ZMAT1: variants seen among roughly 807,000 people sequenced by gnomAD.
The protein encoded by ZMAT1 is zinc finger matrin-type 1.
ZMAT1 carries 11 observed loss-of-function variants against 18.5 expected under a neutral mutation model. The observed-to-expected ratio is 0.59, with a 90% CI of 0.37 to 0.98. The LOEUF is 0.98. Among genes scored for constraint, ZMAT1 ranks in the 50% least tolerant of loss-of-function variants. ZMAT1 has a pLI of 0.01. For missense variants in ZMAT1, 525 were observed against 496.2 expected, an observed-to-expected ratio of 1.06 and a Z score of -0.55; for synonymous variants, 211 against 176.4, an observed-to-expected ratio of 1.20 and a Z score of -1.55.
intron 4 of ZMAT1, chrX:101,888,794 C>A: frequency 8.9e-6 from 1 of 112,053 alleles, no homozygotes; most frequent in Middle Eastern, 4.6e-3. Context: ...CAAGGTAATT[C>A]TTCTTCCAAC....
chrX:101,902,121 C>CTATATTA (rs1471931207), intron 2 of ZMAT1, among the ~76,000 whole-genome samples: 4 of 111,832 alleles, frequency 3.6e-5, no homozygotes, highest in African/African-American at 1.3e-4. Flanking sequence ...GAGTGTTTCC[C>CTATATTA]TATATTATCT....
In ZMAT1 at chrX:101,897,860, A is replaced by T; in HGVS notation, c.676+8T>A. 1 of 1,206,927 alleles carries T rather than the reference A, an allele frequency of 8.3e-7. No individual in the cohort carries two copies. The highest frequency in any genetic ancestry group is 1.1e-6 in the Non-Finnish European group (1 of 892,336). ...GCATTGAAGATCAAGAGGTGAATGG[A>T]ACCTTACCCATCTCTGGTTGAAATC... On this transcript the variant is annotated splice_region_variant and intron_variant, in intron 4 of 5. Transcript: ENST00000651725.
intron 4 of ZMAT1, among the ~76,000 whole-genome samples, chrX:101,893,612 T>G (rs1365226505): frequency 1.8e-5 from 2 of 111,951 alleles, no homozygotes; most frequent in African/African-American, 6.5e-5. Context: ...GTCCTATTTC[T>G]GTGCGAGTTT....
At chrX:101,912,475 T>C (rs747873370) in intron 1 of ZMAT1, among the ~76,000 whole-genome samples, 5 of 112,599 alleles carry the variant, frequency 4.4e-5, no homozygotes, top group African/African-American at 6.5e-5. Context: ...ATGCCTTTCA[T>C]ATATACAAGA....
intron 4 of ZMAT1, among the ~76,000 whole-genome samples, chrX:101,894,211 G>T (rs1226300657): frequency 9.0e-6 from 1 of 111,308 alleles, no homozygotes; most frequent in Non-Finnish European, 1.9e-5. Flanking sequence ...GATTCCGTAG[G>T]TCTGCAGTGG....
Position 101,883,994 on chromosome X carries a change from C to T in ZMAT1, c.1604G>A (p.Arg535Lys). ...TTGACAGTAGCTAATAGAATCTAGT[C>T]TCTGTTTGCTATCATGAGCTGGTAA... Reference protein sequence around the residue: ...HCLPAHDSKQRLDSISYCQLT... With the variant: ...HCLPAHDSKQKLDSISYCQLT... The change falls in exon 6 of 6, where the codon AGA (arginine) becomes AAA (lysine). Residue 535 changes from arginine to lysine, a missense_variant. Transcript: ENST00000651725. 1 of 1,210,358 alleles carries T rather than the reference C, an allele frequency of 8.3e-7. No individual in the cohort carries two copies. Among genetic ancestry groups the T allele is most frequent in the Non-Finnish European group, 1.1e-6 (1 of 894,944 alleles).
intron 4 of ZMAT1, chrX:101,895,699 T>A (rs1927752717): frequency 6.0e-6 from 1 of 166,859 alleles, no homozygotes; most frequent in Non-Finnish European, 9.8e-6. Flanking sequence ...ATAATGTTGT[T>A]GAGTCATTAC....
At chrX:101,931,564 C>A (rs1569444836) in intron 1 of ZMAT1, 153 bp downstream of exon 1, 1 of 674,842 alleles carries the variant, frequency 1.5e-6, no homozygotes, top group African/African-American at 2.7e-5. Flanking sequence ...GGGGCTAATA[C>A]GGCGGGGCGG....
Position 101,884,272 on chromosome X carries a change from T to C in ZMAT1, c.1326A>G (p.Ser442=). Residue 442 remains serine, a synonymous_variant, in exon 6 of 6, where the codon TCA becomes TCG. Coordinates refer to ENST00000651725, the MANE Select transcript of ZMAT1 (RefSeq NM_001394560.1). The part of the protein sequence containing the change: ...SQLPQWLPTH[S]KRTYDSFQDE... ...CTTGGAAAGAATCATATGTCCTCTT[T>C]GAATGGGTTGGTAGCCACTGAGGTA... is the stretch of plus-strand genomic sequence containing the variant. 1 of 1,210,761 alleles carries C rather than the reference T, an allele frequency of 8.3e-7. No homozygotes were observed. The highest frequency in any genetic ancestry group is 3.0e-5 in the East Asian group (1 of 33,757).
chrX:101,889,498 G>A (rs1370632162), intron 4 of ZMAT1: 1 of 111,627 alleles, frequency 9.0e-6, no homozygotes, highest in East Asian at 2.8e-4. Context: ...CATAAATTGG[G>A]AAAGTGTGTG....
chrX:101,908,757 A>C (rs1275409666), intron 1 of ZMAT1, among the ~76,000 whole-genome samples: 1 of 111,660 alleles, frequency 9.0e-6, no homozygotes, highest in Non-Finnish European at 1.9e-5. Context: ...TTCAAAGTTG[A>C]GTGTCTGCAA....
At chrX:101,903,434 T>C (rs983996178) in intron 2 of ZMAT1, among the ~76,000 whole-genome samples, 1 of 111,653 alleles carries the variant, frequency 9.0e-6, no homozygotes, top group Non-Finnish European at 1.9e-5. Context: ...ACATTAGGAT[T>C]AAAATATAAT....
chrX:101,912,394 G>A (rs1311676706), intron 1 of ZMAT1, among the ~76,000 whole-genome samples: 1 of 112,306 alleles, frequency 8.9e-6, no homozygotes, highest in Non-Finnish European at 1.9e-5. Context: ...AGTGGATCCA[G>A]GGAAAGCTTT....
At chrX:101,912,812 T>C (rs1249574959) in intron 1 of ZMAT1, among the ~76,000 whole-genome samples, 3 of 112,150 alleles carry the variant, frequency 2.7e-5, no homozygotes, top group Non-Finnish European at 5.6e-5. Flanking sequence ...TTATATACAA[T>C]GAGACTGAAA....
intron 4 of ZMAT1, among the ~76,000 whole-genome samples, chrX:101,896,199 A>T (rs1356873263): frequency 8.9e-6 from 1 of 112,162 alleles, no homozygotes; most frequent in Non-Finnish European, 1.9e-5. Context: ...ATTAGTGAGG[A>T]TAAAACATAT....
In ZMAT1 at chrX:101,929,423, T is replaced by TTATATA. The variant is rs771032732; in HGVS notation, c.292+2288_292+2293dup. Reference sequence around the variant, plus strand: ...TATATATTCTATATATAGAGAGAGATTATATATATATATATATATATATAT... The same window carrying TTATATA: ...TATATATTCTATATATAGAGAGAGATTATATATATATATATATATATATATATATAT... On this transcript the variant is annotated intron_variant, in intron 1 of 5. Coordinates refer to ENST00000651725, the MANE Select transcript of ZMAT1 (RefSeq NM_001394560.1). 7.7e-3 allele frequency among the ~76,000 whole-genome samples: 550 copies of TTATATA among 71,220 alleles called. 3 individuals are homozygous for TTATATA. Among genetic ancestry groups the TTATATA allele is most frequent in the Middle Eastern group, 0.018 (2 of 113 alleles). The allele number at this position is 71,220 out of a possible 115,157, so 61.8% of individuals were successfully genotyped here.
chrX:101,925,348 G>A (rs975959085), intron 1 of ZMAT1, among the ~76,000 whole-genome samples: 4 of 112,235 alleles, frequency 3.6e-5, no homozygotes, highest in Non-Finnish European at 7.5e-5. Context: ...ATAAATAAGA[G>A]TGTTTTACCT....
intron 4 of ZMAT1, chrX:101,892,687 TA>T: frequency 1.4e-6 from 1 of 732,784 alleles, no homozygotes. Context: ...ATATAATAAA[TA>T]AAAAATACAT....
intron 2 of ZMAT1, 34 bp from the exon 3 acceptor site, chrX:101,898,254 A>G: frequency 8.9e-7 from 1 of 1,124,874 alleles, no homozygotes; most frequent in Non-Finnish European, 1.2e-6. Flanking sequence ...TTGTTTATTC[A>G]ATAAAAGAGT....
Sources: gnomAD v4.1 joint callset for allele counts (sites outside exome capture counted in the v4.1 genomes callset) on GRCh38, gnomAD v4.1.1 for gene constraint, MANE v1.5 for transcripts, NCBI Gene and HGNC (gene_info 2026-07-23, HGNC 2026-07-21) for gene names.